The following SDK1 variants were observed in gnomAD, a reference collection of about 807,000 sequenced individuals.
SDK1 encodes sidekick cell adhesion molecule 1.
In SDK1, 157 loss-of-function variants were observed where a neutral mutation model predicts 245.5. The ratio of observed to expected loss-of-function variants is 0.64; its 90% CI spans 0.56 to 0.73. SDK1 has a LOEUF of 0.73. Among genes scored for constraint, SDK1 ranks in the 30% least tolerant of loss-of-function variants. The pLI is 0.00. For missense variants in SDK1, 3,583 were observed against 3,002.3 expected, an observed-to-expected ratio of 1.19 and a Z score of -4.52; for synonymous variants, 1,647 against 1,278.5, an observed-to-expected ratio of 1.29 and a Z score of -6.15.
At chr7:3,937,692 G>A (rs1780208523) in intron 5 of SDK1, among the ~76,000 whole-genome samples, 1 of 152,170 alleles carries the variant, frequency 6.6e-6, no homozygotes, top group Non-Finnish European at 1.5e-5. Context: ...TTTGGGTCGA[G>A]GAGGACCAAG....
chr7:3,304,176 C>G (rs1289440719), intron 1 of SDK1, among the ~76,000 whole-genome samples: 1 of 152,112 alleles, frequency 6.6e-6, no homozygotes, highest in Non-Finnish European at 1.5e-5. Flanking sequence ...TTTAATATGC[C>G]CTGGAGTTTC....
At chr7:3,707,888 G>A (rs1223719049) in intron 4 of SDK1, among the ~76,000 whole-genome samples, 1 of 151,892 alleles carries the variant, frequency 6.6e-6, no homozygotes, top group African/African-American at 2.4e-5. Context: ...GCTCACTTTT[G>A]ATTTCTATTT....
intron 2 of SDK1, among the ~76,000 whole-genome samples, chr7:3,620,138 C>G (rs79754926): frequency 3.3e-5 from 5 of 151,950 alleles, no homozygotes; most frequent in South Asian, 2.1e-4. Context: ...ACAAGCTTCT[C>G]AAATGGGGAA....
At chr7:4,198,494 CAGCTCAGCGGCCA>C (rs1783707831) in intron 35 of SDK1, among the ~76,000 whole-genome samples, 1 of 152,248 alleles carries the variant, frequency 6.6e-6, no homozygotes, top group South Asian at 2.1e-4. Flanking sequence ...GATCTGCAAA[CAGCTCAGCGGCCA>C]AGCCTAGCCC....
At chr7:3,993,682 C>T (rs1206414991) in intron 14 of SDK1, among the ~76,000 whole-genome samples, 1 of 152,204 alleles carries the variant, frequency 6.6e-6, no homozygotes, top group African/African-American at 2.4e-5. Flanking sequence ...AGCCCTTGGT[C>T]CCTCCTCCAG....
intron 5 of SDK1, among the ~76,000 whole-genome samples, chr7:3,830,999 A>G (rs986157945): frequency 1.3e-5 from 2 of 152,152 alleles, no homozygotes; most frequent in South Asian, 2.1e-4. Flanking sequence ...ATCACTCTAG[A>G]TGTATAGTCA....
chr7:4,227,330 C>G (rs1191724604), intron 40 of SDK1: 1 of 467,664 alleles, frequency 2.1e-6, no homozygotes, highest in African/African-American at 2.0e-5. Context: ...GGCTTCCCAC[C>G]CCTTCCTGGG....
chr7:3,772,472 T>C (rs1780431264), intron 4 of SDK1, among the ~76,000 whole-genome samples: 1 of 152,156 alleles, frequency 6.6e-6, no homozygotes, highest in Admixed American at 6.5e-5. Context: ...TAAAAATGCA[T>C]TAGCCTTTTA....
chr7:4,116,564 T>C (rs1783723533), intron 25 of SDK1, among the ~76,000 whole-genome samples: 1 of 152,228 alleles, frequency 6.6e-6, no homozygotes, highest in African/African-American at 2.4e-5. Flanking sequence ...GTTACTGTAA[T>C]GCACAGTGGG....
chr7:4,138,077 TA>T (rs1264494376), intron 28 of SDK1, among the ~76,000 whole-genome samples: 1 of 152,174 alleles, frequency 6.6e-6, no homozygotes, highest in Non-Finnish European at 1.5e-5. Flanking sequence ...AATAGGAAGG[TA>T]CAAATAGAAC....
At chr7:3,846,428 G>A (rs1302168513) in intron 5 of SDK1, among the ~76,000 whole-genome samples, 2 of 152,116 alleles carry the variant, frequency 1.3e-5, no homozygotes, top group Admixed American at 6.6e-5. Flanking sequence ...CTACTGATAG[G>A]TCATTTCTGA....
At chr7:3,702,865 T>G (rs1784778957) in intron 4 of SDK1, among the ~76,000 whole-genome samples, 1 of 152,090 alleles carries the variant, frequency 6.6e-6, no homozygotes, top group Admixed American at 6.6e-5. Flanking sequence ...TCAGTGGAAA[T>G]GCAGATTGAA....
intron 4 of SDK1, among the ~76,000 whole-genome samples, chr7:3,700,029 C>A (rs960920644): frequency 3.9e-5 from 6 of 152,114 alleles, no homozygotes; most frequent in Non-Finnish European, 7.4e-5. Flanking sequence ...ATTGTAGTGA[C>A]CACAAGAAGG....
At chr7:3,833,182 G>C (rs566122358) in intron 5 of SDK1, among the ~76,000 whole-genome samples, 2 of 152,176 alleles carry the variant, frequency 1.3e-5, no homozygotes, top group East Asian at 3.9e-4. Context: ...AAGAATGAAG[G>C]CTTTTCCATT....
chr7:4,067,762 G>T, intron 19 of SDK1, 76 bp from the exon 20 acceptor site: 1 of 1,067,014 alleles, frequency 9.4e-7, no homozygotes, highest in East Asian at 2.5e-5. Context: ...TCCATAGTTA[G>T]AACCTTCCCC....
intron 4 of SDK1, among the ~76,000 whole-genome samples, chr7:3,651,801 G>A (rs1185985342): frequency 1.3e-5 from 2 of 152,136 alleles, no homozygotes; most frequent in African/African-American, 4.8e-5. Context: ...TGCCTCAGAG[G>A]AACGGCAATC....
chr7:3,931,975 G>A (rs1213866316), intron 5 of SDK1, among the ~76,000 whole-genome samples: 3 of 152,182 alleles, frequency 2.0e-5, no homozygotes, highest in Non-Finnish European at 4.4e-5. Context: ...GGCATGAGTT[G>A]CTGGGTGCCT....
At chr7:4,092,503 C>A (rs1179889325) in intron 22 of SDK1, among the ~76,000 whole-genome samples, 2 of 152,190 alleles carry the variant, frequency 1.3e-5, no homozygotes, top group Non-Finnish European at 2.9e-5. Flanking sequence ...TCCTATACCT[C>A]ACCCCCTTTG....
intron 4 of SDK1, among the ~76,000 whole-genome samples, chr7:3,656,217 C>G (rs1027166347): frequency 1.3e-5 from 2 of 152,200 alleles, no homozygotes; most frequent in Admixed American, 1.3e-4. Context: ...TCCTTTACTT[C>G]CATCCCATTT....
Sources: allele counts gnomAD v4.1 joint callset (sites outside exome capture counted in the v4.1 genomes callset), GRCh38; gene constraint gnomAD v4.1.1; transcripts MANE v1.5; gene names NCBI Gene and HGNC (gene_info 2026-07-23, HGNC 2026-07-21).